BMAL1: variants seen among roughly 807,000 people sequenced by gnomAD.
BMAL1 encodes basic helix-loop-helix ARNT-like protein 1.
the BMAL1 span, among the ~76,000 whole-genome samples, chr11:13,331,546 A>G: frequency 6.6e-6 from 1 of 152,200 alleles, no homozygotes. Flanking sequence ...AGAGACAGGC[A>G]ATCCCAAGTT....
At chr11:13,348,067 C>T in the BMAL1 span, among the ~76,000 whole-genome samples, 2 of 152,266 alleles carry the variant, frequency 1.3e-5, no homozygotes, top group Non-Finnish European at 1.5e-5. Context: ...GTGAAGGAGC[C>T]TGGGCAGGAG....
chr11:13,288,317 T>C, the BMAL1 span, among the ~76,000 whole-genome samples: 5 of 152,078 alleles, frequency 3.3e-5, no homozygotes, highest in Non-Finnish European at 5.9e-5. Context: ...ATGGGAGCTC[T>C]CGACCACTGG....
chr11:13,278,214 C>G, the BMAL1 span, among the ~76,000 whole-genome samples: 5 of 152,206 alleles, frequency 3.3e-5, no homozygotes, highest in African/African-American at 1.2e-4. Context: ...TGCAGGAGCC[C>G]TTAAAGGGGC....
the BMAL1 span, among the ~76,000 whole-genome samples, chr11:13,377,592 C>G: frequency 6.6e-6 from 1 of 152,172 alleles, no homozygotes; most frequent in African/African-American, 2.4e-5. Flanking sequence ...TTCTAATAAC[C>G]CAGTTCTCAT....
At chr11:13,369,906 G>A in the BMAL1 span, 1 of 1,101,198 alleles carries the variant, frequency 9.1e-7, no homozygotes, top group Non-Finnish European at 1.3e-6. Flanking sequence ...GGACCCTGCA[G>A]TCCTCCCTAT....
At chr11:13,292,788 A>G in the BMAL1 span, among the ~76,000 whole-genome samples, 2 of 152,120 alleles carry the variant, frequency 1.3e-5, no homozygotes, top group South Asian at 2.1e-4. Context: ...CATGGCTTCC[A>G]TTTGATGGTT....
the BMAL1 span, among the ~76,000 whole-genome samples, chr11:13,386,336 T>A: frequency 6.8e-6 from 1 of 147,968 alleles, no homozygotes; most frequent in African/African-American, 2.5e-5. Context: ...TTTGTACTTA[T>A]TTCTAAAATG....
At chr11:13,326,485 A>G in the BMAL1 span, 1 of 152,254 alleles carries the variant, frequency 6.6e-6, no homozygotes, top group Non-Finnish European at 1.5e-5. Context: ...CTTCACATGC[A>G]TTCTCTCTAA....
the BMAL1 span, chr11:13,385,911 G>A: frequency 3.9e-6 from 3 of 764,050 alleles, no homozygotes; most frequent in Non-Finnish European, 6.2e-6. Flanking sequence ...GATAGGAACA[G>A]AATAAAAGTT....
chr11:13,297,764 T>C, the BMAL1 span, among the ~76,000 whole-genome samples: 535 of 152,290 alleles, frequency 3.5e-3, 11 homozygotes, highest in East Asian at 0.068. Flanking sequence ...CTGAGTGACA[T>C]TGGGCAAGTG....
At chr11:13,286,236 A>G in the BMAL1 span, among the ~76,000 whole-genome samples, 12 of 152,214 alleles carry the variant, frequency 7.9e-5, no homozygotes, top group African/African-American at 2.4e-4. Flanking sequence ...GCTGTTAGCA[A>G]TCATAGGACC....
the BMAL1 span, among the ~76,000 whole-genome samples, chr11:13,294,115 A>C: frequency 2.6e-5 from 4 of 151,924 alleles, no homozygotes; most frequent in East Asian, 7.7e-4. Flanking sequence ...AATCAGTTTT[A>C]TTTCTTTTTC....
At chr11:13,340,636 C>T in the BMAL1 span, among the ~76,000 whole-genome samples, 1 of 152,210 alleles carries the variant, frequency 6.6e-6, no homozygotes, top group African/African-American at 2.4e-5. Flanking sequence ...TGCAGCCACT[C>T]TCCTCAACTC....
At chr11:13,386,346 G>T in the BMAL1 span, among the ~76,000 whole-genome samples, 1 of 129,790 alleles carries the variant, frequency 7.7e-6, no homozygotes, top group Non-Finnish European at 1.7e-5. Flanking sequence ...TTTCTAAAAT[G>T]ATCATTTGAT....
the BMAL1 span, among the ~76,000 whole-genome samples, chr11:13,384,577 T>A: frequency 6.6e-6 from 1 of 152,224 alleles, no homozygotes; most frequent in South Asian, 2.1e-4. Context: ...TATTAAAATA[T>A]GCCTCCCTTT....
the BMAL1 span, among the ~76,000 whole-genome samples, chr11:13,334,490 T>G: frequency 6.6e-6 from 1 of 151,460 alleles, no homozygotes; most frequent in Non-Finnish European, 1.5e-5. Context: ...CATAAAATGG[T>G]AGCTTTAGAT....
the BMAL1 span, among the ~76,000 whole-genome samples, chr11:13,371,543 C>G: frequency 6.6e-6 from 1 of 152,200 alleles, no homozygotes; most frequent in South Asian, 2.1e-4. Context: ...TACTGTCTTC[C>G]AGTTCATACG....
At chr11:13,358,084 C>T in the BMAL1 span, among the ~76,000 whole-genome samples, 2 of 152,214 alleles carry the variant, frequency 1.3e-5, no homozygotes, top group Non-Finnish European at 2.9e-5. Flanking sequence ...GAAGCCACCA[C>T]CTCCCTTCTC....
At chr11:13,287,790 A>G in the BMAL1 span, among the ~76,000 whole-genome samples, 1 of 152,232 alleles carries the variant, frequency 6.6e-6, no homozygotes, top group Non-Finnish European at 1.5e-5. Context: ...GCAAATCTAT[A>G]GCTGAGCCAC....
Sources: gnomAD v4.1 joint callset for allele counts (sites outside exome capture counted in the v4.1 genomes callset) on GRCh38, gnomAD v4.1.1 for gene constraint, MANE v1.5 for transcripts, NCBI Gene and HGNC (gene_info 2026-07-23, HGNC 2026-07-21) for gene names.